Variants in RAB14 observed in about 807,000 individuals in gnomAD.
RAB14 encodes the protein RAB14, member RAS oncogene family.
A neutral mutation model predicts 31.1 loss-of-function variants in RAB14; 3 were observed. That is an observed-to-expected ratio of 0.10 (90% CI 0.04 to 0.25). The LOEUF is 0.25. Among genes scored for constraint, RAB14 ranks in the 10% least tolerant of loss-of-function variants. The probability of loss-of-function intolerance (pLI) is 1.00; values close to 1 mark genes in which losing one functional copy is unlikely to be tolerated. For synonymous variants in RAB14, 85 were observed against 84.9 expected (o/e 1.00, Z 0.00); for missense variants, 111 against 260.1 (o/e 0.43, Z 3.94).
chr9:121,193,095 C>T (rs1394282053), intron 2 of RAB14, among the ~76,000 whole-genome samples: 1 of 152,102 alleles, frequency 6.6e-6, no homozygotes, highest in Non-Finnish European at 1.5e-5. Context: ...ACTGATACTT[C>T]CTAGCATCAA....
At chr9:121,195,216 A>G (rs2053708880) in intron 1 of RAB14, among the ~76,000 whole-genome samples, 1 of 152,116 alleles carries the variant, frequency 6.6e-6, no homozygotes, top group South Asian at 2.1e-4. Context: ...ATATTTAAAG[A>G]TTATTAACTT....
intron 4 of RAB14, 66 bp downstream of exon 4, chr9:121,190,488 A>T (rs950270370): frequency 3.6e-6 from 5 of 1,391,954 alleles, no homozygotes; most frequent in Non-Finnish European, 4.8e-6. Flanking sequence ...ATGCCTATCA[A>T]TTTTTTTTTA....
At chr9:121,185,618 T>C (rs772896851) in intron 5 of RAB14, among the ~76,000 whole-genome samples, 1 of 152,152 alleles carries the variant, frequency 6.6e-6, no homozygotes, top group Non-Finnish European at 1.5e-5. Flanking sequence ...CTCTACAATT[T>C]TGTCATTTTG....
chr9:121,201,417 C>T (rs1377912735), intron 1 of RAB14, among the ~76,000 whole-genome samples: 3 of 152,040 alleles, frequency 2.0e-5, no homozygotes, highest in African/African-American at 7.2e-5. Flanking sequence ...AGGCTCAGGC[C>T]GGAGCCGCGC....
chr9:121,183,090 G>A, intron 6 of RAB14, 130 bp from the exon 7 acceptor site: 1 of 919,178 alleles, frequency 1.1e-6, no homozygotes, highest in Non-Finnish European at 1.7e-6. Context: ...GAAAAAGTAT[G>A]TAAGTTTGAG....
chr9:121,192,479 T>C (rs2053692401), intron 2 of RAB14, among the ~76,000 whole-genome samples: 1 of 152,112 alleles, frequency 6.6e-6, no homozygotes, highest in South Asian at 2.1e-4. Flanking sequence ...AAGTGCTTAT[T>C]TTTTTAATGG....
In RAB14 at chr9:121,190,743, G is replaced by C; in HGVS notation, c.107-12C>G. 6.2e-7 allele frequency: 1 copy of C among 1,605,006 alleles called. No homozygotes were observed. Among genetic ancestry groups the C allele is most frequent in the Non-Finnish European group, 8.5e-7 (1 of 1,176,304 alleles). On this transcript the variant is annotated splice_polypyrimidine_tract_variant and intron_variant, in intron 3 of 7. Coordinates refer to ENST00000373840, the MANE Select transcript of RAB14 (RefSeq NM_016322.4). ...ACAATCAGCCATAACTGTTAAGGAG[G>C]AAAAAAAGTAATAGCCCAATTTTCA...
At chr9:121,190,091 TC>T (rs755520641) in intron 4 of RAB14, among the ~76,000 whole-genome samples, 1 of 152,100 alleles carries the variant, frequency 6.6e-6, no homozygotes, top group Non-Finnish European at 1.5e-5. Context: ...AAATAAATAC[TC>T]AAACACCTTC....
chr9:121,191,493 A>T (rs2053686487), intron 3 of RAB14, among the ~76,000 whole-genome samples: 1 of 152,092 alleles, frequency 6.6e-6, no homozygotes, highest in African/African-American at 2.4e-5. Context: ...GGCATGAGCC[A>T]CCACACCTGG....
At chr9:121,195,789 T>C (rs984073481) in intron 1 of RAB14, among the ~76,000 whole-genome samples, 1 of 152,108 alleles carries the variant, frequency 6.6e-6, no homozygotes, top group African/African-American at 2.4e-5. Flanking sequence ...GCAGAAAACA[T>C]TTAACACTGT....
In RAB14 at chr9:121,178,469, G is replaced by A. The variant is rs2053610572; in HGVS notation, c.*2927C>T. On this transcript the variant is annotated 3_prime_UTR_variant, in exon 8 of 8. Transcript: ENST00000373840. ...TCTATATTCCCACATGAAGAGGAAT[G>A]GAAGGTAATTATTTGGTCTTTTCTT... 1 of 151,870 alleles carries A rather than the reference G, an allele frequency of 6.6e-6. No homozygotes were observed. Among genetic ancestry groups the A allele is most frequent in the South Asian group, 2.1e-4 (1 of 4,800 alleles). The allele number at this position is 151,870 out of a possible 1,614,324, so 9.4% of individuals were successfully genotyped here.
At chr9:121,183,605 G>C (rs146150360) in intron 5 of RAB14, among the ~76,000 whole-genome samples, 151 of 152,312 alleles carry the variant, frequency 9.9e-4, no homozygotes, top group African/African-American at 3.4e-3. Context: ...GTCAGGGGTT[G>C]ACAAACTTTC....
At chr9:121,184,290 T>C (rs1365271075) in intron 5 of RAB14, among the ~76,000 whole-genome samples, 1 of 152,104 alleles carries the variant, frequency 6.6e-6, no homozygotes, top group East Asian at 1.9e-4. Flanking sequence ...AGGCAAAATA[T>C]CACCCACCAA....
intron 1 of RAB14, among the ~76,000 whole-genome samples, chr9:121,199,494 C>G (rs1236211663): frequency 6.6e-6 from 1 of 152,204 alleles, no homozygotes; most frequent in Non-Finnish European, 1.5e-5. Context: ...CAAGTTTTCA[C>G]ATTTTATTTA....
At chr9:121,183,729 A>G (rs548667127) in intron 5 of RAB14, among the ~76,000 whole-genome samples, 2 of 152,268 alleles carry the variant, frequency 1.3e-5, no homozygotes, top group South Asian at 2.1e-4. Context: ...AAAATTTAAA[A>G]ATCATCCTTA....
intron 2 of RAB14, among the ~76,000 whole-genome samples, chr9:121,192,690 A>G (rs887652030): frequency 6.6e-6 from 1 of 152,152 alleles, no homozygotes; most frequent in Admixed American, 6.6e-5. Context: ...TCTATGAAAG[A>G]AAAGAATTTG....
chr9:121,185,872 C>A (rs1485033007), intron 5 of RAB14, among the ~76,000 whole-genome samples: 2 of 152,078 alleles, frequency 1.3e-5, no homozygotes. Flanking sequence ...CTGCTATGAA[C>A]ACCCATCTAT....
chr9:121,183,545 G>A (rs2053644630), intron 5 of RAB14, 147 bp from the exon 6 acceptor site: 1 of 625,474 alleles, frequency 1.6e-6, no homozygotes, highest in Admixed American at 2.9e-5. Flanking sequence ...ACTAGACAGG[G>A]CTACAGATTC....
At chr9:121,199,138 C>T (rs535456831) in intron 1 of RAB14, among the ~76,000 whole-genome samples, 1 of 152,244 alleles carries the variant, frequency 6.6e-6, no homozygotes, top group South Asian at 2.1e-4. Flanking sequence ...AAAAAAACCC[C>T]TGCACTTACT....
Sources: allele counts gnomAD v4.1 joint callset (sites outside exome capture counted in the v4.1 genomes callset), GRCh38; gene constraint gnomAD v4.1.1; transcripts MANE v1.5; gene names NCBI Gene and HGNC (gene_info 2026-07-23, HGNC 2026-07-21).